The following ABCA4 variants were observed in gnomAD, a reference collection of about 807,000 sequenced individuals.
ABCA4 encodes retinal-specific phospholipid-transporting ATPase ABCA4.
In ABCA4, 196 loss-of-function variants were observed where a neutral mutation model predicts 263.7. That is an observed-to-expected ratio of 0.74 (90% CI 0.66 to 0.84). The LOEUF (loss-of-function observed/expected upper bound fraction) is 0.84, where lower values mean the gene tolerates loss of function less well. Ranked by LOEUF, ABCA4 falls within the 40% of genes least tolerant of loss-of-function variation. The pLI, the probability that ABCA4 is intolerant of heterozygous loss-of-function variation, is 0.00. For missense variants in ABCA4, 2,792 were observed against 2,855.1 expected, an observed-to-expected ratio of 0.98 and a Z score of 0.50; for synonymous variants, 1,133 against 1,094.2, an observed-to-expected ratio of 1.04 and a Z score of -0.70.
At chr1:94,016,875 T>G (rs911991455) in intron 36 of ABCA4, among the ~76,000 whole-genome samples, 2 of 152,054 alleles carry the variant, frequency 1.3e-5, no homozygotes, top group Non-Finnish European at 2.9e-5. Context: ...AACCAGGGCT[T>G]CTTGGGGAGA....
chr1:94,024,726 GT>G (rs1454410751), intron 31 of ABCA4, among the ~76,000 whole-genome samples: 1 of 152,012 alleles, frequency 6.6e-6, no homozygotes, highest in African/African-American at 2.4e-5. Context: ...TGCCCTAAAT[GT>G]AAAAACAAAC....
chr1:94,112,968 C>T lies in ABCA4; in HGVS notation c.160+5G>A. 6.2e-6 allele frequency: 10 copies of T among 1,611,532 alleles called. No individual in the cohort carries two copies. Among genetic ancestry groups the T allele is most frequent in the Admixed American group, 1.7e-5 (1 of 60,030 alleles). On this transcript the variant is annotated splice_donor_5th_base_variant and intron_variant, in intron 2 of 49. Coordinates refer to ENST00000370225, the MANE Select transcript of ABCA4 (RefSeq NM_000350.3). The stretch of plus-strand genomic sequence containing the variant: ...GGCTTGCCCAAGCTACCCTGCTATG[C>T]TTACATTCATGATGGCTGTAGAGTG...
rs568040555 is a variant in ABCA4, at chr1:94,000,502, C to T, written c.6479+334G>A. ...GAGTGGACTCTTAGTAAATAGGCCA[C>T]AGGTCCCGGATCTGTTGAGATAAGT... On this transcript the variant is annotated intron_variant, in intron 47 of 49. Coordinates refer to ENST00000370225, the MANE Select transcript of ABCA4 (RefSeq NM_000350.3). Among the ~76,000 whole-genome samples, 22 of 152,308 alleles carry T rather than the reference C, an allele frequency of 1.4e-4. 1 individual carries two copies. Among genetic ancestry groups the T allele is most frequent in the Admixed American group, 1.2e-3 (18 of 15,292 alleles).
Position 94,078,632 on chromosome 1 carries a change from G to C in ABCA4, c.1314C>G (p.Ile438Met). The change falls in exon 10 of 50, where the codon ATC becomes ATG. Residue 438 changes from isoleucine (I) to methionine (M), a missense_variant. By Grantham distance (10) the Ile-to-Met change is conservative (BLOSUM62 1). Transcript: ENST00000370225. ...GTGTGCTGTTGTCAAAGAAGTACCA[G>C]ATCTGGGGCCCTACTTCTTCCCAGG... ...VKAWEEVGPQ[I>M]WYFFDNSTQM... 6.9e-7 allele frequency: 1 copy of C among 1,443,444 alleles called. No individual in the cohort carries two copies. The highest frequency in any genetic ancestry group is 9.2e-7 in the Non-Finnish European group (1 of 1,081,094). The allele number at this position is 1,443,444 out of a possible 1,614,324, so 89.4% of individuals were successfully genotyped here. A position where few individuals can be genotyped will look rare whatever the true frequency, so the allele number is the denominator to read the frequency against.
intron 11 of ABCA4, among the ~76,000 whole-genome samples, chr1:94,069,076 G>C (rs1661342954): frequency 6.6e-6 from 1 of 152,242 alleles, no homozygotes; most frequent in African/African-American, 2.4e-5. Flanking sequence ...CCAGGAAGCA[G>C]AGTTCACCCT....
Position 94,005,485 on chromosome 1 carries a change from G to C in ABCA4, c.6103C>G (p.Leu2035Val). The change falls in exon 44 of 50, where the codon CTT (leucine) becomes GTT (valine). Residue 2035 changes from leucine to valine, a missense_variant. Physicochemically the swap from Leu to Val is conservative, Grantham distance 32 (BLOSUM62 1). Transcript: ENST00000370225. ...ELLTGREHLY[L>V]YARLRGVPAE... ...GGTACACCTCGAAGCCGGGCATAAAGGTAAAGATGTTCTCGTCCTGTGAGC... is the reference window on the plus strand; with the variant it reads ...GGTACACCTCGAAGCCGGGCATAAACGTAAAGATGTTCTCGTCCTGTGAGC... 1 of 1,614,148 alleles carries C rather than the reference G, an allele frequency of 6.2e-7. No homozygotes were observed. Among genetic ancestry groups the C allele is most frequent in the Non-Finnish European group, 8.5e-7 (1 of 1,180,036 alleles).
At chr1:94,018,588 A>T in intron 36 of ABCA4, 1 of 455,990 alleles carries the variant, frequency 2.2e-6, no homozygotes, top group Non-Finnish European at 4.4e-6. Context: ...ATTTTAAAAA[A>T]CCATGGATGA....
At chr1:94,052,622 A>G (rs984363238) in intron 16 of ABCA4, among the ~76,000 whole-genome samples, 1 of 152,246 alleles carries the variant, frequency 6.6e-6, no homozygotes, top group African/African-American at 2.4e-5. Flanking sequence ...ACTAATTTTC[A>G]TCTATTATAT....
At chr1:94,055,537 A>G (rs1452596784) in intron 15 of ABCA4, among the ~76,000 whole-genome samples, 1 of 152,136 alleles carries the variant, frequency 6.6e-6, no homozygotes, top group Admixed American at 6.5e-5. Flanking sequence ...TACAGTCACA[A>G]AAAACATGAA....
At chr1:94,038,601 C>T (rs965972171) in intron 24 of ABCA4, among the ~76,000 whole-genome samples, 3 of 152,208 alleles carry the variant, frequency 2.0e-5, no homozygotes, top group Non-Finnish European at 4.4e-5. Context: ...TGACTTCATA[C>T]GGAGGCTGGA....
At position 94,019,719 on chromosome 1, in the gene ABCA4, T is replaced by A. The variant is rs201996979; in HGVS notation, c.5059A>T (p.Ile1687Phe). The change falls in exon 36 of 50, where the codon ATT becomes TTT. Residue 1687 changes from isoleucine to phenylalanine, a missense_variant. Ile to Phe is a conservative substitution (Grantham distance 21). Transcript: ENST00000370225. The stretch of plus-strand genomic sequence containing the variant: ...GCTGGGACGAAGGACATGGAGAAAA[T>A]CACGCAGATGGCAACCACAGCATCC... ...SVDAVVAICV[I>F]FSMSFVPASF... 91 of 1,613,256 alleles carry A rather than the reference T, an allele frequency of 5.6e-5. No homozygotes were observed. The highest frequency in any genetic ancestry group is 7.5e-5 in the Non-Finnish European group (88 of 1,179,818).
intron 44 of ABCA4, 43 bp from the exon 45 acceptor site, chr1:94,002,035 C>T (rs1215643586): frequency 6.2e-7 from 1 of 1,613,854 alleles, no homozygotes; most frequent in Non-Finnish European, 8.5e-7. Context: ...GACAAGCAAA[C>T]ACCCCAAACC....
At chr1:94,080,361 G>A (rs1484555189) in intron 8 of ABCA4, 117 bp downstream of exon 8, 4 of 1,423,330 alleles carry the variant, frequency 2.8e-6, no homozygotes, top group Middle Eastern at 2.4e-4. Context: ...CTTTACCTAA[G>A]GCCACTCAGC....
At chr1:94,079,589 T>C in intron 8 of ABCA4, 128 bp from the exon 9 acceptor site, 1 of 1,374,464 alleles carries the variant, frequency 7.3e-7, no homozygotes, top group South Asian at 1.2e-5. Context: ...ATAACCTAAA[T>C]TAATAGGCTG....
In ABCA4 at chr1:94,111,430, A is replaced by G. The variant is rs2101162172; in HGVS notation, c.302+8T>C. 1.9e-6 allele frequency: 3 copies of G among 1,613,798 alleles called. No individual in the cohort carries two copies. The highest frequency in any genetic ancestry group is 2.5e-6 in the Non-Finnish European group (3 of 1,179,912). On this transcript the variant is annotated splice_region_variant and intron_variant, in intron 3 of 49. Coordinates refer to ENST00000370225, the MANE Select transcript of ABCA4 (RefSeq NM_000350.3). ...CCTCCCCTGCATGGTAGGGATCTCA[A>G]CACTTACATGGAGTTGTTATAGTTT... is the stretch of plus-strand genomic sequence containing the variant.
chr1:94,036,626 C>A, intron 26 of ABCA4, 114 bp downstream of exon 26: 1 of 1,188,294 alleles, frequency 8.4e-7, no homozygotes, highest in South Asian at 1.2e-5. Flanking sequence ...GCCTTGGCCT[C>A]CCAAATTGCT....
intron 5 of ABCA4, among the ~76,000 whole-genome samples, chr1:94,099,853 G>C (rs1184638857): frequency 1.3e-5 from 2 of 152,138 alleles, no homozygotes; most frequent in Non-Finnish European, 2.9e-5. Flanking sequence ...GCAGCTCCTA[G>C]GTAGCTCAAG....
At chr1:94,004,043 G>T (rs1343832448) in intron 44 of ABCA4, among the ~76,000 whole-genome samples, 1 of 152,116 alleles carries the variant, frequency 6.6e-6, no homozygotes, top group Non-Finnish European at 1.5e-5. Context: ...TTTATTGGAG[G>T]AATCAGGGTT....
chr1:94,043,620 T>C lies in ABCA4; in HGVS notation c.3051-145A>G, dbSNP rs1660582425. On this transcript the variant is annotated intron_variant, in intron 20 of 49. Coordinates refer to ENST00000370225, the MANE Select transcript of ABCA4 (RefSeq NM_000350.3). ...TGGTGTTTATGATACAATACAAAAA[T>C]AGCAGACCCTGCTTAAATATCTAAT... The C allele has an allele frequency of 5.4e-6, 6 of 1,106,960 alleles. No homozygotes were observed. The East Asian group carries it at 7.8e-5, about 14-fold the overall frequency. The allele number at this position is 1,106,960 out of a possible 1,614,324, so 68.6% of individuals were successfully genotyped here.
Sources: allele counts gnomAD v4.1 joint callset (sites outside exome capture counted in the v4.1 genomes callset), GRCh38; gene constraint gnomAD v4.1.1; transcripts MANE v1.5; gene names NCBI Gene and HGNC (gene_info 2026-07-23, HGNC 2026-07-21).